The following ZNF277 variants were observed in gnomAD, a reference collection of about 807,000 sequenced individuals.
ZNF277 encodes the protein nuclear receptor-interacting factor 4.
In ZNF277, 55 loss-of-function variants were observed where a neutral mutation model predicts 60.7. The ratio of observed to expected loss-of-function variants is 0.91; its 90% CI spans 0.73 to 1.13. ZNF277 has a LOEUF of 1.13. ZNF277 is among the 50% of genes most tolerant of loss of function. The probability of loss-of-function intolerance (pLI) is 0.00; values close to 1 mark genes in which losing one functional copy is unlikely to be tolerated. For synonymous variants in ZNF277, 178 were observed against 179.3 expected (o/e 0.99, Z 0.06); for missense variants, 510 against 523.0 (o/e 0.98, Z 0.24).
chr7:112,308,866 G>A (rs1193067838), intron 4 of ZNF277, among the ~76,000 whole-genome samples: 1 of 152,106 alleles, frequency 6.6e-6, no homozygotes, highest in Admixed American at 6.5e-5. Flanking sequence ...ATGGACACCT[G>A]TGCATTTTTC....
rs1295586770 is a variant in ZNF277 at position 112,228,593 on chromosome 7, C to T, written c.91+21786C>T. On this transcript the variant is annotated intron_variant, in intron 1 of 11. Coordinates refer to ENST00000361822, the MANE Select transcript of ZNF277 (RefSeq NM_021994.3). Reference sequence around the variant, plus strand: ...ACTCCTCCTAGAAAGTCACCCCGGACGTTTTGAATGGAGCATATTAAATAT... The same window carrying T: ...ACTCCTCCTAGAAAGTCACCCCGGATGTTTTGAATGGAGCATATTAAATAT... Among the ~76,000 whole-genome samples, 12 of 150,280 alleles carry T rather than the reference C, an allele frequency of 8.0e-5. No homozygotes were observed. The East Asian group carries it at 8.0e-4, about 10-fold the overall frequency.
chr7:112,274,294 A>G (rs1432780474), intron 1 of ZNF277, among the ~76,000 whole-genome samples: 4 of 152,072 alleles, frequency 2.6e-5, no homozygotes, highest in Admixed American at 6.6e-5. Flanking sequence ...AGTAGCTGGG[A>G]CCACAAGTGT....
chr7:112,242,083 T>G (rs1790967031), intron 1 of ZNF277, among the ~76,000 whole-genome samples: 1 of 152,076 alleles, frequency 6.6e-6, no homozygotes, highest in Non-Finnish European at 1.5e-5. Flanking sequence ...ATGCACCATA[T>G]GCCTGTGTCA....
intron 1 of ZNF277, among the ~76,000 whole-genome samples, chr7:112,272,729 A>G (rs10251236): frequency 0.39 from 59,223 of 151,960 alleles, 15,000 homozygotes; most frequent in African/African-American, 0.72. Context: ...CCTGACCTCA[A>G]GTGATCCGCC....
intron 6 of ZNF277, 121 bp downstream of exon 6, chr7:112,327,948 T>G (rs1793136500): frequency 1.4e-6 from 1 of 701,220 alleles, no homozygotes; most frequent in Non-Finnish European, 2.3e-6. Flanking sequence ...GTTGGAGGAG[T>G]TCACATTTTG....
chr7:112,333,331 A>G (rs1164096439), intron 7 of ZNF277, among the ~76,000 whole-genome samples: 1 of 152,194 alleles, frequency 6.6e-6, no homozygotes, highest in African/African-American at 2.4e-5. Flanking sequence ...ATGCTAGAAG[A>G]GAAAGAAAAA....
At chr7:112,230,529 C>T (rs1000453512) in intron 1 of ZNF277, among the ~76,000 whole-genome samples, 1 of 152,186 alleles carries the variant, frequency 6.6e-6, no homozygotes, top group African/African-American at 2.4e-5. Context: ...ATTTTTCTCC[C>T]TTACTTATAA....
At chr7:112,278,788 T>A (rs1791877067) in intron 1 of ZNF277, among the ~76,000 whole-genome samples, 1 of 152,192 alleles carries the variant, frequency 6.6e-6, no homozygotes, top group Non-Finnish European at 1.5e-5. Context: ...TCTTCACAAA[T>A]TTTTTAATGT....
At chr7:112,295,517 G>A (rs938532998) in intron 2 of ZNF277, among the ~76,000 whole-genome samples, 5 of 151,912 alleles carry the variant, frequency 3.3e-5, no homozygotes, top group East Asian at 1.9e-4. Context: ...CTATTTAATC[G>A]TTATTGTATT....
chr7:112,338,799 G>A (rs563195135), intron 9 of ZNF277, among the ~76,000 whole-genome samples: 24 of 152,300 alleles, frequency 1.6e-4, no homozygotes, highest in African/African-American at 5.3e-4. Flanking sequence ...TGCCTATCCT[G>A]TGTAAGGATT....
intron 1 of ZNF277, among the ~76,000 whole-genome samples, chr7:112,281,009 C>T (rs918207562): frequency 6.6e-6 from 1 of 152,220 alleles, no homozygotes; most frequent in Non-Finnish European, 1.5e-5. Flanking sequence ...ACAAATCTTA[C>T]TGAATTATGT....
chr7:112,300,133 T>G (rs1287732360), intron 4 of ZNF277, among the ~76,000 whole-genome samples: 1 of 152,160 alleles, frequency 6.6e-6, no homozygotes. Flanking sequence ...GTATATAGAG[T>G]TTAAATGATT....
intron 1 of ZNF277, among the ~76,000 whole-genome samples, chr7:112,242,486 G>A (rs1361447320): frequency 1.4e-5 from 2 of 148,056 alleles, no homozygotes; most frequent in Non-Finnish European, 3.0e-5. Context: ...AAAATTAGTA[G>A]CATTTCTATA....
intron 1 of ZNF277, among the ~76,000 whole-genome samples, chr7:112,234,273 A>G (rs1195908009): frequency 6.6e-6 from 1 of 152,196 alleles, no homozygotes; most frequent in Admixed American, 6.5e-5. Flanking sequence ...ACTCTAGCAA[A>G]ATGCCACAAA....
intron 1 of ZNF277, among the ~76,000 whole-genome samples, chr7:112,252,875 G>C (rs1179401013): frequency 6.6e-6 from 1 of 152,148 alleles, no homozygotes; most frequent in African/African-American, 2.4e-5. Flanking sequence ...AAACCAAAGA[G>C]TATTCCCTAA....
intron 7 of ZNF277, among the ~76,000 whole-genome samples, chr7:112,332,834 C>G (rs904558940): frequency 1.3e-5 from 2 of 152,086 alleles, no homozygotes; most frequent in Non-Finnish European, 2.9e-5. Context: ...ATTGGCTTCA[C>G]TAAAGATATA....
intron 1 of ZNF277, among the ~76,000 whole-genome samples, chr7:112,278,375 G>C (rs897408388): frequency 6.6e-6 from 1 of 152,168 alleles, no homozygotes; most frequent in African/African-American, 2.4e-5. Context: ...TGGGGCCCTA[G>C]AGTGTTTATT....
chr7:112,286,648 G>A (rs1792069321), intron 1 of ZNF277, among the ~76,000 whole-genome samples: 1 of 152,150 alleles, frequency 6.6e-6, no homozygotes, highest in South Asian at 2.1e-4. Flanking sequence ...GCAAGCAAAT[G>A]AGGGGTTTGA....
chr7:112,261,248 G>C (rs970092754), intron 1 of ZNF277, among the ~76,000 whole-genome samples: 3 of 152,210 alleles, frequency 2.0e-5, no homozygotes, highest in Non-Finnish European at 2.9e-5. Flanking sequence ...GTGCATAAGT[G>C]ATGGAAATGA....
Sources: gnomAD v4.1 joint callset for allele counts (sites outside exome capture counted in the v4.1 genomes callset) on GRCh38, gnomAD v4.1.1 for gene constraint, MANE v1.5 for transcripts, NCBI Gene and HGNC (gene_info 2026-07-23, HGNC 2026-07-21) for gene names.